The following UBE2H variants were observed in gnomAD, a reference collection of about 807,000 sequenced individuals.
UBE2H encodes the protein ubiquitin conjugating enzyme E2 H, also known as ubiquitin-conjugating enzyme E2 H.
In UBE2H, 3 loss-of-function variants were observed where a neutral mutation model predicts 29.0. That is an observed-to-expected ratio of 0.10 (90% CI 0.05 to 0.27). UBE2H has a LOEUF of 0.27. Among genes scored for constraint, UBE2H ranks in the 10% least tolerant of loss-of-function variants. UBE2H has a pLI of 1.00. For synonymous variants in UBE2H, 69 were observed against 82.9 expected (o/e 0.83, Z 0.91); for missense variants, 68 against 228.2 (o/e 0.30, Z 4.52).
At chr7:129,912,224 C>A (rs1332691795) in intron 1 of UBE2H, among the ~76,000 whole-genome samples, 5 of 151,962 alleles carry the variant, frequency 3.3e-5, no homozygotes, top group African/African-American at 1.2e-4. Context: ...TGAATAGTTG[C>A]AAAAAAGACC....
intron 3 of UBE2H, 66 bp from the exon 4 acceptor site, chr7:129,859,007 G>A: frequency 1.5e-6 from 2 of 1,338,142 alleles, no homozygotes; most frequent in East Asian, 2.3e-5. Context: ...TTTCAGTACT[G>A]GAAACAATTT....
At chr7:129,840,292 C>A (rs953100474) in intron 5 of UBE2H, among the ~76,000 whole-genome samples, 2 of 152,002 alleles carry the variant, frequency 1.3e-5, no homozygotes, top group African/African-American at 2.4e-5. Flanking sequence ...CTCAAGCCAA[C>A]CTCCCAGCCT....
rs73161651 is a variant in UBE2H at position 129,907,621 on chromosome 7, G to A, written c.54-26650C>T. 6.5e-3 allele frequency among the ~76,000 whole-genome samples: 994 copies of A among 152,292 alleles called. 5 individuals are homozygous for A. Among genetic ancestry groups the A allele is most frequent in the Non-Finnish European group, 1.0e-2 (679 of 68,028 alleles). ...ACATAGCCAGTGAAGGTTTTATGCC[G>A]AGGTAGATGACGGATGCAAAGCACA... is the stretch of plus-strand genomic sequence containing the variant. On this transcript the variant is annotated intron_variant, in intron 1 of 6. Coordinates refer to ENST00000355621, the MANE Select transcript of UBE2H (RefSeq NM_003344.4).
intron 3 of UBE2H, among the ~76,000 whole-genome samples, chr7:129,870,979 T>C (rs1400099194): frequency 6.6e-6 from 1 of 152,242 alleles, no homozygotes; most frequent in African/African-American, 2.4e-5. Context: ...TTTTGTTTTG[T>C]TTTGTTTTTA....
At chr7:129,874,915 G>T (rs928890366) in intron 3 of UBE2H, among the ~76,000 whole-genome samples, 10 of 152,130 alleles carry the variant, frequency 6.6e-5, no homozygotes, top group Non-Finnish European at 1.2e-4. Context: ...AAGGAAAACA[G>T]TGTGTGCACT....
chr7:129,942,084 C>T (rs1807657184), intron 1 of UBE2H, among the ~76,000 whole-genome samples: 1 of 151,896 alleles, frequency 6.6e-6, no homozygotes, highest in Non-Finnish European at 1.5e-5. Flanking sequence ...GTGGCACACG[C>T]CTGTAGTCCC....
At chr7:129,933,783 T>C (rs1807456212) in intron 1 of UBE2H, among the ~76,000 whole-genome samples, 1 of 152,188 alleles carries the variant, frequency 6.6e-6, no homozygotes, top group South Asian at 2.1e-4. Context: ...GTATATAATT[T>C]ATTCTAATCC....
chr7:129,947,559 T>C (rs973779729), intron 1 of UBE2H, among the ~76,000 whole-genome samples: 6 of 152,184 alleles, frequency 3.9e-5, no homozygotes, highest in African/African-American at 9.7e-5. Flanking sequence ...CAAAGACAAA[T>C]GGCTACATAT....
chr7:129,859,635 G>C (rs957287448), intron 3 of UBE2H, among the ~76,000 whole-genome samples: 1 of 152,116 alleles, frequency 6.6e-6, no homozygotes, highest in African/African-American at 2.4e-5. Flanking sequence ...CACTTTAATA[G>C]CTATATGGCC....
At position 129,848,391 on chromosome 7, in the gene UBE2H, G is replaced by C. The variant is rs913772293; in HGVS notation, c.299-9056C>G. ...CTGGCTTTCCAAGCCGAAAATCACA[G>C]GGATAGTCACTACTGTCTAAGGTAT... On this transcript the variant is annotated intron_variant, in intron 5 of 6. Coordinates refer to ENST00000355621, the MANE Select transcript of UBE2H (RefSeq NM_003344.4). 6.6e-5 allele frequency among the ~76,000 whole-genome samples: 10 copies of C among 152,268 alleles called. No individual in the cohort carries two copies. The South Asian group carries it at 1.2e-3, about 19-fold the overall frequency.
intron 5 of UBE2H, among the ~76,000 whole-genome samples, chr7:129,841,899 A>T (rs902424027): frequency 2.0e-5 from 3 of 152,244 alleles, no homozygotes; most frequent in Non-Finnish European, 2.9e-5. Flanking sequence ...CCAATGTTTT[A>T]TCTACAATTT....
At chr7:129,935,751 C>A (rs920355592) in intron 1 of UBE2H, among the ~76,000 whole-genome samples, 7 of 152,142 alleles carry the variant, frequency 4.6e-5, no homozygotes, top group African/African-American at 1.4e-4. Context: ...ATTTTTCACA[C>A]AACAAACATG....
chr7:129,886,736 A>C (rs1806367587), intron 1 of UBE2H, among the ~76,000 whole-genome samples: 1 of 145,670 alleles, frequency 6.9e-6, no homozygotes, highest in East Asian at 2.0e-4. Context: ...GAAACTTGGC[A>C]ATTTTCACTA....
chr7:129,907,137 G>GT (rs3832461), intron 1 of UBE2H, among the ~76,000 whole-genome samples: 86,417 of 150,404 alleles, frequency 0.57, 25,310 homozygotes, highest in Middle Eastern at 0.69. Context: ...GGGTGTTCTT[G>GT]TTTTTTTTTG....
intron 1 of UBE2H, among the ~76,000 whole-genome samples, chr7:129,916,686 T>C (rs975050380): frequency 1.3e-5 from 2 of 152,138 alleles, no homozygotes; most frequent in Admixed American, 1.3e-4. Context: ...GAACATCCTG[T>C]CCACTAGCCT....
At chr7:129,903,939 G>A (rs934887697) in intron 1 of UBE2H, among the ~76,000 whole-genome samples, 1 of 152,128 alleles carries the variant, frequency 6.6e-6, no homozygotes, top group Non-Finnish European at 1.5e-5. Flanking sequence ...TCTTTCAATC[G>A]TTATTTTTTG....
chr7:129,949,410 C>A (rs563271322), intron 1 of UBE2H, among the ~76,000 whole-genome samples: 5 of 149,368 alleles, frequency 3.3e-5, no homozygotes, highest in Non-Finnish European at 7.5e-5. Flanking sequence ...AGGATCTGGG[C>A]TAACTGCAAG....
In UBE2H at chr7:129,924,449, T is replaced by C. The variant is rs76405594; in HGVS notation, c.53+28054A>G. The stretch of plus-strand genomic sequence containing the variant: ...CTAAAAAAGCCCTAGTAAAAATTCA[T>C]ACCAAGAAGGTAATAAATTGCAGAA... On this transcript the variant is annotated intron_variant, in intron 1 of 6. Coordinates refer to ENST00000355621, the MANE Select transcript of UBE2H (RefSeq NM_003344.4). 3.5e-3 allele frequency among the ~76,000 whole-genome samples: 538 copies of C among 152,300 alleles called. 5 individuals carry two copies. Among genetic ancestry groups the C allele is most frequent in the Non-Finnish European group, 6.2e-3 (425 of 68,024 alleles).
intron 1 of UBE2H, among the ~76,000 whole-genome samples, chr7:129,932,746 C>T (rs902549412): frequency 6.2e-5 from 9 of 144,700 alleles, no homozygotes; most frequent in Non-Finnish European, 1.0e-4. Context: ...TGCACTCCAG[C>T]CTGGGCGACA....
Sources: allele counts gnomAD v4.1 joint callset (sites outside exome capture counted in the v4.1 genomes callset), GRCh38; gene constraint gnomAD v4.1.1; transcripts MANE v1.5; gene names NCBI Gene and HGNC (gene_info 2026-07-23, HGNC 2026-07-21).